LRP6: variants seen among roughly 807,000 people sequenced by gnomAD.
LRP6 encodes LDL receptor related protein 6.
A neutral mutation model predicts 184.1 loss-of-function variants in LRP6; 43 were observed. The ratio of observed to expected loss-of-function variants is 0.23; its 90% CI spans 0.18 to 0.30. LRP6 has a LOEUF of 0.30. LRP6 is among the 10% of genes least tolerant of loss of function. LRP6 has a pLI of 1.00. For synonymous variants in LRP6, 719 were observed against 684.9 expected, an observed-to-expected ratio of 1.05 and a Z score of -0.78; for missense variants, 1,571 against 2,005.3, an observed-to-expected ratio of 0.78 and a Z score of 4.14.
intron 7 of LRP6, among the ~76,000 whole-genome samples, chr12:12,176,207 G>C (rs371438210): frequency 3.0e-4 from 46 of 152,156 alleles, no homozygotes; most frequent in South Asian, 1.0e-3. Flanking sequence ...AAATCAGGAG[G>C]GGGGGTGGTG....
At chr12:12,206,471 A>G (rs1277360747) in intron 2 of LRP6, among the ~76,000 whole-genome samples, 1 of 150,360 alleles carries the variant, frequency 6.7e-6, no homozygotes, top group Non-Finnish European at 1.5e-5. Flanking sequence ...TGAACCCGGG[A>G]CGCGGAGCTT....
chr12:12,201,921 C>T (rs928516751), intron 3 of LRP6, among the ~76,000 whole-genome samples: 3 of 152,170 alleles, frequency 2.0e-5, no homozygotes, highest in African/African-American at 2.4e-5. Flanking sequence ...TTATATCTTT[C>T]CTGGTTTTCA....
intron 1 of LRP6, chr12:12,249,472 G>GA: frequency 3.0e-6 from 2 of 677,522 alleles, no homozygotes; most frequent in Non-Finnish European, 5.2e-6. Context: ...GCAATTAATC[G>GA]AAAAGAAAAA....
rs74922891 is a variant in LRP6, at chr12:12,188,503, C to G, written c.648-1384G>C. 3.7e-3 allele frequency among the ~76,000 whole-genome samples: 562 copies of G among 152,244 alleles called. 3 individuals carry two copies. The highest frequency in any genetic ancestry group is 6.4e-3 in the South Asian group (31 of 4,814). On this transcript the variant is annotated intron_variant, in intron 3 of 22. Coordinates refer to ENST00000261349, the MANE Select transcript of LRP6 (RefSeq NM_002336.3). The stretch of plus-strand genomic sequence containing the variant: ...CCTTGAGGTTAACTGATGATTTCTA[C>G]TATCTAACAGACTACCAGCATATTA...
At chr12:12,141,374 A>C (rs1458966491) in intron 15 of LRP6, among the ~76,000 whole-genome samples, 2 of 152,190 alleles carry the variant, frequency 1.3e-5, no homozygotes, top group African/African-American at 2.4e-5. Context: ...CCAATGACAC[A>C]AGATGCTCAA....
chr12:12,232,283 C>G, intron 2 of LRP6, among the ~76,000 whole-genome samples: 1 of 151,260 alleles, frequency 6.6e-6, no homozygotes, highest in South Asian at 2.1e-4. Flanking sequence ...TATTGGGAGG[C>G]TGAGGCAGAA....
intron 13 of LRP6, 135 bp downstream of exon 13, chr12:12,150,701 A>G: frequency 1.1e-6 from 1 of 877,798 alleles, no homozygotes; most frequent in Non-Finnish European, 1.9e-6. Flanking sequence ...AAAATAAGCT[A>G]CTAGGTCCAG....
intron 20 of LRP6, among the ~76,000 whole-genome samples, chr12:12,125,897 A>G (rs904498091): frequency 2.6e-5 from 4 of 152,258 alleles, no homozygotes; most frequent in African/African-American, 9.6e-5. Context: ...TACCAGTGCT[A>G]AAGAAAAAAT....
rs1862669522 is a variant in LRP6 at position 12,158,964 on chromosome 12, G to A, written c.2656C>T (p.Arg886Ter). ...GCACATTCATTCCACCCTGACTGTC[G>A]AGATGAGTGAAAGACGAGGATGTCC... ...VMDILVFHSSRQSGWNECASS... is the reference protein window; with the variant it reads ...VMDILVFHSS Residue 886 changes from arginine to a stop codon, truncating the protein, a stop_gained, in exon 12 of 23, where the codon CGA becomes TGA. Coordinates refer to ENST00000261349, the MANE Select transcript of LRP6 (RefSeq NM_002336.3). LOFTEE classifies it high-confidence loss of function. The A allele has an allele frequency of 6.2e-7, 1 of 1,614,218 alleles. No homozygotes were observed. Among genetic ancestry groups the A allele is most frequent in the Non-Finnish European group, 8.5e-7 (1 of 1,180,048 alleles).
intron 7 of LRP6, among the ~76,000 whole-genome samples, chr12:12,171,239 G>A (rs1053028607): frequency 3.3e-5 from 5 of 152,170 alleles, no homozygotes; most frequent in South Asian, 2.1e-4. Context: ...ATTATTGGCC[G>A]AGCGCGGTGG....
Position 12,116,905 on chromosome 12 carries a change from T to C in LRP6, c.*4221A>G, listed in dbSNP as rs1949526078. 2.0e-5 allele frequency: 3 copies of C among 152,178 alleles called. No homozygotes were observed. The highest frequency in any genetic ancestry group is 2.9e-5 in the Non-Finnish European group (2 of 68,030). The allele number at this position is 152,178 out of a possible 1,614,324, so 9.4% of individuals were successfully genotyped here. On this transcript the variant is annotated 3_prime_UTR_variant, in exon 23 of 23. Coordinates refer to ENST00000261349, the MANE Select transcript of LRP6 (RefSeq NM_002336.3). ...ACTCAGGTACAGGCTTTATGAGACG[T>C]AGATCAAGTCAGACAATAGCCTGAG...
chr12:12,164,732 A>G (rs1242849696), intron 8 of LRP6, among the ~76,000 whole-genome samples, 170 bp from the exon 9 acceptor site: 1 of 152,096 alleles, frequency 6.6e-6, no homozygotes, highest in Non-Finnish European at 1.5e-5. Context: ...ATGCAGATTA[A>G]TAGGGAGTAA....
At chr12:12,202,554 T>C (rs2137040965) in intron 3 of LRP6, among the ~76,000 whole-genome samples, 1 of 152,218 alleles carries the variant, frequency 6.6e-6, no homozygotes, top group Middle Eastern at 3.4e-3. Flanking sequence ...AATAAATACG[T>C]AAATAAATAA....
chr12:12,169,869 G>A (rs1862985090), intron 7 of LRP6, among the ~76,000 whole-genome samples: 1 of 152,080 alleles, frequency 6.6e-6, no homozygotes, highest in African/African-American at 2.4e-5. Context: ...TTAAAACCAC[G>A]TTTTGTAAGC....
chr12:12,162,076 A>G, intron 10 of LRP6, 117 bp downstream of exon 10: 3 of 796,830 alleles, frequency 3.8e-6, no homozygotes, highest in Non-Finnish European at 6.3e-6. Flanking sequence ...TCTATCATTT[A>G]GTTCTCAGAT....
Position 12,180,619 on chromosome 12 carries a change from T to C in LRP6, c.1373+424A>G, listed in dbSNP as rs554281674. Among the ~76,000 whole-genome samples, 31 of 152,210 alleles carry C rather than the reference T, an allele frequency of 2.0e-4. 1 individual carries two copies. The South Asian group carries it at 6.2e-3, about 31-fold the overall frequency. ...AAACTAGAAGTAAAGCTGCATGGGC[T>C]GGCAAAGTTTTGGAAATCAAGTCAT... On this transcript the variant is annotated intron_variant, in intron 6 of 22. Transcript: ENST00000261349.
chr12:12,173,799 T>C (rs903433845), intron 7 of LRP6, among the ~76,000 whole-genome samples: 1 of 152,094 alleles, frequency 6.6e-6, no homozygotes, highest in African/African-American at 2.4e-5. Context: ...AACTAGCAAT[T>C]TTCAAATAGG....
At chr12:12,232,474 C>A (rs1231384543) in intron 2 of LRP6, among the ~76,000 whole-genome samples, 1 of 151,484 alleles carries the variant, frequency 6.6e-6, no homozygotes, top group Non-Finnish European at 1.5e-5. Flanking sequence ...GGAATATGCC[C>A]CCAAGTCATT....
At position 12,124,202 on chromosome 12, in the gene LRP6, C is replaced by T. The variant is rs140915075; in HGVS notation, c.4547+363G>A. On this transcript the variant is annotated intron_variant, in intron 22 of 22. Transcript: ENST00000261349. ...CAGCCTGGCCAACATGGTGAAACCA[C>T]GTTTCTACTAAAAATACAAAATTAG... Among the ~76,000 whole-genome samples, 65 of 152,118 alleles carry T rather than the reference C, an allele frequency of 4.3e-4. No homozygotes were observed. The East Asian group carries it at 0.011, about 26-fold the overall frequency.
Sources: gnomAD v4.1 joint callset for allele counts (sites outside exome capture counted in the v4.1 genomes callset) on GRCh38, gnomAD v4.1.1 for gene constraint, MANE v1.5 for transcripts, NCBI Gene and HGNC (gene_info 2026-07-23, HGNC 2026-07-21) for gene names.